Variants in LRP1B observed in about 807,000 individuals in gnomAD.
LRP1B encodes LDL receptor related protein 1B, also known as low-density lipoprotein receptor-related protein 1B.
Under a neutral mutation model 556.6 loss-of-function variants are expected in LRP1B, and 217 were observed. That is an observed-to-expected ratio of 0.39 (90% CI 0.35 to 0.44). The LOEUF (loss-of-function observed/expected upper bound fraction) is 0.44. Ranked by LOEUF, LRP1B falls within the 20% of genes least tolerant of loss-of-function variation. The probability of loss-of-function intolerance (pLI) is 1.00; values close to 1 mark genes in which losing one functional copy is unlikely to be tolerated. For missense variants in LRP1B, 5,053 were observed against 5,620.8 expected (o/e 0.90, Z 3.23); for synonymous variants, 2,047 against 1,865.8 (o/e 1.10, Z -2.50).
intron 66 of LRP1B, among the ~76,000 whole-genome samples, chr2:140,397,279 C>T (rs1427540845): frequency 1.3e-5 from 2 of 152,040 alleles, no homozygotes; most frequent in East Asian, 3.9e-4. Flanking sequence ...ACCTATCAAC[C>T]CATCACCTAG....
chr2:140,574,803 A>T (rs1403362016), intron 43 of LRP1B, among the ~76,000 whole-genome samples: 5 of 152,210 alleles, frequency 3.3e-5, no homozygotes, highest in Non-Finnish European at 7.4e-5. Context: ...GTATCACTCA[A>T]ATGTTAAAAC....
At chr2:142,116,749 T>TA (rs1373934737) in intron 1 of LRP1B, among the ~76,000 whole-genome samples, 1 of 152,112 alleles carries the variant, frequency 6.6e-6, no homozygotes, top group Non-Finnish European at 1.5e-5. Flanking sequence ...AATATAAAGT[T>TA]AAAAAAATAC....
At chr2:141,598,155 G>A (rs1687591263) in intron 2 of LRP1B, among the ~76,000 whole-genome samples, 2 of 151,856 alleles carry the variant, frequency 1.3e-5, no homozygotes, top group South Asian at 2.1e-4. Context: ...AACTCTGGAT[G>A]AGGGTTTCTT....
In LRP1B at chr2:140,351,021, G is replaced by A. The variant is rs1681933985; in HGVS notation, c.11668C>T (p.Leu3890Phe). 6.3e-7 allele frequency: 1 copy of A among 1,581,310 alleles called. No individual in the cohort carries two copies. The highest frequency in any genetic ancestry group is 8.6e-7 in the Non-Finnish European group (1 of 1,159,070). Residue 3890 changes from leucine (L) to phenylalanine (F), a missense_variant, in exon 77 of 91, where the codon CTC (leucine) becomes TTC (phenylalanine). Leu to Phe is a conservative substitution (Grantham distance 22). Coordinates refer to ENST00000389484, the MANE Select transcript of LRP1B (RefSeq NM_018557.3). Reference sequence around the variant, plus strand: ...ATATCAGTGTCATTAGCAATGTAGAGAACTTGATCTTCAGAGCCTGGAGAT... The same window carrying A: ...ATATCAGTGTCATTAGCAATGTAGAAAACTTGATCTTCAGAGCCTGGAGAT... ...CIAEGSEDQV[L>F]YIANDTDILG...
chr2:141,532,006 C>A (rs1049763361), intron 2 of LRP1B, among the ~76,000 whole-genome samples: 1 of 152,074 alleles, frequency 6.6e-6, no homozygotes, highest in Non-Finnish European at 1.5e-5. Context: ...TATCCTGAGA[C>A]TTTTACCAGT....
At chr2:142,078,902 T>G (rs1705610472) in intron 1 of LRP1B, among the ~76,000 whole-genome samples, 1 of 152,122 alleles carries the variant, frequency 6.6e-6, no homozygotes, top group African/African-American at 2.4e-5. Flanking sequence ...TCACATATAG[T>G]AGAGAAAATA....
intron 2 of LRP1B, among the ~76,000 whole-genome samples, chr2:141,675,104 T>A (rs2105419486): frequency 6.6e-6 from 1 of 152,030 alleles, no homozygotes. Flanking sequence ...CTTAAAGAAA[T>A]TTGTGTTCTT....
At chr2:140,486,569 T>C (rs1688481528) in intron 58 of LRP1B, among the ~76,000 whole-genome samples, 1 of 151,832 alleles carries the variant, frequency 6.6e-6, no homozygotes, top group African/African-American at 2.4e-5. Flanking sequence ...GAGAATATGC[T>C]TTCAAAAATA....
At chr2:140,849,127 C>A (rs439460) in intron 29 of LRP1B, among the ~76,000 whole-genome samples, 4 of 142,348 alleles carry the variant, frequency 2.8e-5, no homozygotes, top group African/African-American at 8.0e-5. Flanking sequence ...GAGGCCAAGG[C>A]GGGTGGATTG....
intron 84 of LRP1B, among the ~76,000 whole-genome samples, chr2:140,277,767 C>T (rs561926502): frequency 2.2e-4 from 34 of 152,064 alleles, no homozygotes; most frequent in African/African-American, 7.7e-4. Flanking sequence ...AAACTCTCAT[C>T]TACTACTACT....
chr2:141,350,001 G>A (rs915000294), intron 3 of LRP1B, among the ~76,000 whole-genome samples: 2 of 151,960 alleles, frequency 1.3e-5, no homozygotes, highest in African/African-American at 4.8e-5. Flanking sequence ...ATGCCAGAAG[G>A]TGAAAACCAC....
intron 55 of LRP1B, 37 bp from the exon 56 acceptor site, chr2:140,495,785 A>G (rs747511424): frequency 1.3e-6 from 2 of 1,528,126 alleles, no homozygotes; most frequent in South Asian, 1.2e-5. Context: ...AATTCATATC[A>G]TTGTCACTGT....
intron 6 of LRP1B, among the ~76,000 whole-genome samples, chr2:141,194,487 C>T (rs1011677501): frequency 5.3e-5 from 8 of 152,028 alleles, no homozygotes; most frequent in African/African-American, 7.2e-5. Context: ...GATCTAGAGA[C>T]GCTTTGTTGC....
At chr2:141,822,130 C>CACACAGAGAGAGAGAGAGAGAGAG (rs374369026) in intron 1 of LRP1B, among the ~76,000 whole-genome samples, 3 of 95,888 alleles carry the variant, frequency 3.1e-5, no homozygotes, top group African/African-American at 8.9e-5. Flanking sequence ...CACACACACA[C>CACACAGAGAGAGAGAGAGAGAGAG]AGAGAGAGAG....
At chr2:141,276,654 C>CTT (rs1282573774) in intron 3 of LRP1B, among the ~76,000 whole-genome samples, 3 of 120,324 alleles carry the variant, frequency 2.5e-5, no homozygotes, top group African/African-American at 9.5e-5. Context: ...TTCTTTCTTT[C>CTT]TTTCTTTTTT....
chr2:140,969,397 C>T (rs960955217), intron 18 of LRP1B, among the ~76,000 whole-genome samples: 1 of 152,072 alleles, frequency 6.6e-6, no homozygotes, highest in African/African-American at 2.4e-5. Context: ...TTCCTCCATC[C>T]CTTTATTTTG....
intron 77 of LRP1B, among the ~76,000 whole-genome samples, chr2:140,349,350 A>G (rs1177752468): frequency 2.0e-5 from 3 of 152,280 alleles, no homozygotes; most frequent in African/African-American, 7.2e-5. Context: ...ATATGCTAAT[A>G]TGAAGCAAAG....
intron 3 of LRP1B, among the ~76,000 whole-genome samples, chr2:141,344,640 T>C (rs1490210022): frequency 2.0e-5 from 3 of 152,216 alleles, no homozygotes; most frequent in African/African-American, 4.8e-5. Context: ...TATTTAACTT[T>C]TTATCTATTT....
chr2:141,162,225 T>C lies in LRP1B; in HGVS notation c.1013+26196A>G, dbSNP rs151148457. On this transcript the variant is annotated intron_variant, in intron 7 of 90. Transcript: ENST00000389484. ...TTTGTCTCTCTTATATCTGACTCTT[T>C]CAGACAAAAGGTCTGGATGTGTCAT... Among the ~76,000 whole-genome samples the C allele has an allele frequency of 1.1e-3, 162 of 152,240 alleles. 1 individual carries two copies. Among genetic ancestry groups the C allele is most frequent in the African/African-American group, 3.7e-3 (155 of 41,562 alleles).
Sources: allele counts gnomAD v4.1 joint callset (sites outside exome capture counted in the v4.1 genomes callset), GRCh38; gene constraint gnomAD v4.1.1; transcripts MANE v1.5; gene names NCBI Gene and HGNC (gene_info 2026-07-23, HGNC 2026-07-21).